Variants in ALG9 observed in about 807,000 individuals in gnomAD.
ALG9 encodes ALG9 alpha-1,2-mannosyltransferase.
Under a neutral mutation model 81.8 loss-of-function variants are expected in ALG9, and 55 were observed. The ratio of observed to expected loss-of-function variants is 0.67; its 90% CI spans 0.54 to 0.84. The LOEUF is 0.84. ALG9 is among the 40% of genes least tolerant of loss of function. The pLI is 0.00. For missense variants in ALG9, 629 were observed against 745.0 expected, an observed-to-expected ratio of 0.84 and a Z score of 1.81; for synonymous variants, 278 against 274.3, an observed-to-expected ratio of 1.01 and a Z score of -0.13.
Position 111,795,338 on chromosome 11 carries a change from T to G in ALG9, c.1734-8818A>C, listed in dbSNP as rs562387710. Among the ~76,000 whole-genome samples the G allele has an allele frequency of 2.0e-5, 3 of 152,204 alleles. No homozygotes were observed. In the South Asian group the frequency reaches 6.2e-4, roughly 32 times the overall value. On this transcript the variant is annotated intron_variant, in intron 14 of 14. Coordinates refer to ENST00000616540, the MANE Select transcript of ALG9 (RefSeq NM_024740.2). ...GTTCTCTTCCTAAGCAATTCAATCC[T>G]AAAGCCATTACGTGGGGCAGAGCAA...
intron 13 of ALG9, among the ~76,000 whole-genome samples, chr11:111,834,310 CTGGGG>C (rs1555115555): frequency 6.6e-6 from 1 of 152,004 alleles, no homozygotes; most frequent in Non-Finnish European, 1.5e-5. Context: ...AGCGAAGTCA[CTGGGG>C]TGGAAAACGC....
chr11:111,863,593 AG>A (rs1416365771), intron 4 of ALG9, among the ~76,000 whole-genome samples: 8 of 152,246 alleles, frequency 5.3e-5, no homozygotes, highest in African/African-American at 1.9e-4. Context: ...ATGATCACTA[AG>A]TCCAAATACC....
intron 13 of ALG9, among the ~76,000 whole-genome samples, chr11:111,813,690 G>A (rs1555093989): frequency 6.6e-6 from 1 of 152,116 alleles, no homozygotes; most frequent in Admixed American, 6.6e-5. Flanking sequence ...AGAAAAACGG[G>A]CAAGTGACTT....
intron 6 of ALG9, among the ~76,000 whole-genome samples, chr11:111,854,701 T>C (rs1383105989): frequency 6.6e-6 from 1 of 152,240 alleles, no homozygotes; most frequent in Non-Finnish European, 1.5e-5. Flanking sequence ...TTTGCGTTTT[T>C]ATTTTTTGTC....
intron 6 of ALG9, among the ~76,000 whole-genome samples, chr11:111,856,812 A>C (rs782204873): frequency 6.0e-4 from 91 of 152,314 alleles, no homozygotes; most frequent in Middle Eastern, 3.4e-3. Context: ...GGGGCAAGAA[A>C]GAAGGAAGAC....
chr11:111,786,793 GCCATAGA>G (rs1946535191), intron 14 of ALG9, among the ~76,000 whole-genome samples: 1 of 152,126 alleles, frequency 6.6e-6, no homozygotes, highest in Admixed American at 6.6e-5. Context: ...ATTAGAATGT[GCCATAGA>G]AAAATTCCAG....
chr11:111,854,390 T>G (rs1555141788), intron 6 of ALG9, among the ~76,000 whole-genome samples: 1 of 149,864 alleles, frequency 6.7e-6, no homozygotes, highest in East Asian at 2.0e-4. Context: ...TGCCTAAGCC[T>G]CCCAAGTAAC....
chr11:111,856,490 T>C (rs1958708423), intron 6 of ALG9, among the ~76,000 whole-genome samples: 1 of 151,888 alleles, frequency 6.6e-6, no homozygotes. Flanking sequence ...TAGGTATGTA[T>C]ACAAATATTT....
chr11:111,789,283 G>C (rs1339919717), intron 14 of ALG9, among the ~76,000 whole-genome samples: 3 of 151,830 alleles, frequency 2.0e-5, no homozygotes, highest in Non-Finnish European at 2.9e-5. Context: ...ACAGGGTCTC[G>C]CTCTGTTGCC....
chr11:111,809,868 T>C, intron 13 of ALG9, 95 bp from the exon 14 acceptor site: 2 of 1,411,706 alleles, frequency 1.4e-6, no homozygotes, highest in East Asian at 2.3e-5. Context: ...TACAGAGCTT[T>C]GGAGGAACAA....
At chr11:111,849,910 C>T (rs1170906955) in intron 8 of ALG9, 3 of 152,136 alleles carry the variant, frequency 2.0e-5, no homozygotes, top group Admixed American at 6.6e-5. Context: ...TAATGAGGCA[C>T]CTGGAGCAGG....
At chr11:111,849,532 G>A (rs1375229263) in intron 8 of ALG9, 1 of 152,146 alleles carries the variant, frequency 6.6e-6, no homozygotes, top group Non-Finnish European at 1.5e-5. Context: ...TTGTTACATA[G>A]GTAAACTTGA....
chr11:111,834,934 C>A (rs182822792), intron 13 of ALG9, among the ~76,000 whole-genome samples: 73 of 152,296 alleles, frequency 4.8e-4, no homozygotes, highest in African/African-American at 1.7e-3. Context: ...GCCTGTCTTA[C>A]AAGGGAACAG....
chr11:111,777,772 G>GA (rs1945739137), downstream of ALG9, among the ~76,000 whole-genome samples: 1 of 152,092 alleles, frequency 6.6e-6, no homozygotes, highest in African/African-American at 2.4e-5. Context: ...CACTGGCAAG[G>GA]AAAAAATGGG....
intron 9 of ALG9, among the ~76,000 whole-genome samples, chr11:111,843,478 A>G (rs1956525105): frequency 6.6e-6 from 1 of 152,192 alleles, no homozygotes; most frequent in Non-Finnish European, 1.5e-5. Context: ...AAGTCCTAAC[A>G]CCAAAGAAAA....
At chr11:111,788,461 T>C (rs1442084010) in intron 14 of ALG9, 3 of 453,936 alleles carry the variant, frequency 6.6e-6, no homozygotes, top group African/African-American at 6.0e-5. Flanking sequence ...GAGAAGTTAA[T>C]GGCCAGGCAC....
At position 111,786,401 on chromosome 11, in the gene ALG9, C is replaced by A. The variant is rs782080124; in HGVS notation, c.1853G>T (p.Gly618Val). ...KAKQIRKKSGG is the reference protein window; with the variant it reads ...KAKQIRKKSGV The stretch of plus-strand genomic sequence containing the variant: ...TTTGGGGCCACAGGTGTGTTGCTAA[C>A]CTCCACTTTTCTTCCTGATTTGCTT... Residue 618 changes from glycine (G) to valine (V), a missense_variant, in exon 15 of 15, where the codon GGT (glycine) becomes GTT (valine). This residue lies in a region of ALG9 where 264 missense variants were observed against 302.2 expected (regional missense o/e 0.87). Coordinates refer to ENST00000616540, the MANE Select transcript of ALG9 (RefSeq NM_024740.2). 2 of 1,613,896 alleles carry A rather than the reference C, an allele frequency of 1.2e-6. No homozygotes were observed. Among genetic ancestry groups the A allele is most frequent in the Admixed American group, 3.3e-5 (2 of 59,988 alleles).
chr11:111,833,998 A>G (rs1271240434), intron 13 of ALG9, among the ~76,000 whole-genome samples: 3 of 152,260 alleles, frequency 2.0e-5, no homozygotes, highest in Non-Finnish European at 4.4e-5. Flanking sequence ...CTGAGAAAGC[A>G]TGTAAAAGTG....
intron 2 of ALG9, among the ~76,000 whole-genome samples, chr11:111,869,397 T>G (rs1403908945): frequency 6.6e-6 from 1 of 151,954 alleles, no homozygotes; most frequent in Admixed American, 6.5e-5. Context: ...AATCAATAAA[T>G]AGCAATAAAA....
Sources: gnomAD v4.1 joint callset for allele counts (sites outside exome capture counted in the v4.1 genomes callset) on GRCh38, gnomAD v4.1.1 for gene constraint, gnomAD v4.1.1 regional missense constraint, MANE v1.5 for transcripts, NCBI Gene and HGNC (gene_info 2026-07-23, HGNC 2026-07-21) for gene names.